Variants in ADAMTSL1 observed in about 807,000 individuals in gnomAD.
ADAMTSL1 encodes the protein ADAMTS like 1.
ADAMTSL1 carries 126 observed loss-of-function variants against 201.8 expected under a neutral mutation model. The ratio of observed to expected loss-of-function variants is 0.62; its 90% CI spans 0.54 to 0.72. The LOEUF (loss-of-function observed/expected upper bound fraction) is 0.72. Among genes scored for constraint, ADAMTSL1 ranks in the 30% least tolerant of loss-of-function variants. The pLI, the probability that ADAMTSL1 is intolerant of heterozygous loss-of-function variation, is 0.00. For synonymous variants in ADAMTSL1, 1,121 were observed against 903.4 expected (o/e 1.24, Z -4.32); for missense variants, 2,679 against 2,277.8 (o/e 1.18, Z -3.59).
chr9:18,235,236 G>A (rs1830800757), intron 2 of ADAMTSL1, among the ~76,000 whole-genome samples: 1 of 152,104 alleles, frequency 6.6e-6, no homozygotes, highest in Non-Finnish European at 1.5e-5. Flanking sequence ...ATATTAGTCA[G>A]GTATTTTCTC....
At chr9:18,906,968 G>A (rs1230576004) in intron 28 of ADAMTSL1, 56 bp downstream of exon 28, 3 of 1,597,054 alleles carry the variant, frequency 1.9e-6, no homozygotes, top group Admixed American at 1.7e-5. Context: ...ATCGAGTGCA[G>A]AGAGCAGTCC....
intron 5 of ADAMTSL1, among the ~76,000 whole-genome samples, chr9:18,627,220 G>T (rs1826445583): frequency 6.6e-6 from 1 of 152,140 alleles, no homozygotes; most frequent in Non-Finnish European, 1.5e-5. Flanking sequence ...GGCCTCAAGT[G>T]ATCTGCCCAC....
At chr9:18,618,029 G>A (rs1207745523) in intron 4 of ADAMTSL1, among the ~76,000 whole-genome samples, 1 of 152,166 alleles carries the variant, frequency 6.6e-6, no homozygotes, top group African/African-American at 2.4e-5. Context: ...AGAATGGGGT[G>A]GGTCTGGGAA....
chr9:18,144,314 C>T (rs1826531236), intron 1 of ADAMTSL1, among the ~76,000 whole-genome samples: 1 of 152,004 alleles, frequency 6.6e-6, no homozygotes, highest in Non-Finnish European at 1.5e-5. Flanking sequence ...CAAGCGATTA[C>T]TCTGCCTCAG....
At chr9:17,921,694 G>C (rs7024652) in intron 1 of ADAMTSL1, among the ~76,000 whole-genome samples, 2 of 152,124 alleles carry the variant, frequency 1.3e-5, no homozygotes, top group Non-Finnish European at 2.9e-5. Context: ...AAAAAGACAC[G>C]AGATTTGTGT....
At chr9:18,778,765 G>C (rs1215244666) in intron 19 of ADAMTSL1, among the ~76,000 whole-genome samples, 1 of 152,152 alleles carries the variant, frequency 6.6e-6, no homozygotes, top group East Asian at 1.9e-4. Flanking sequence ...TATAGAACAG[G>C]AAATACATAA....
intron 3 of ADAMTSL1, among the ~76,000 whole-genome samples, chr9:18,560,959 C>T (rs1405852747): frequency 6.7e-6 from 1 of 149,216 alleles, no homozygotes; most frequent in Non-Finnish European, 1.5e-5. Context: ...AAAACAGCTC[C>T]TGGATTCATT....
chr9:18,661,893 G>T, intron 8 of ADAMTSL1, 42 bp from the exon 9 acceptor site: 1 of 1,592,594 alleles, frequency 6.3e-7, no homozygotes, highest in South Asian at 1.1e-5. Context: ...ATATTGCATT[G>T]GCATGTACAT....
intron 2 of ADAMTSL1, among the ~76,000 whole-genome samples, chr9:18,363,451 T>C (rs182387697): frequency 6.6e-6 from 1 of 152,372 alleles, no homozygotes; most frequent in Admixed American, 6.5e-5. Flanking sequence ...GTCAGATTAA[T>C]GTTCAGTTTT....
At chr9:18,904,361 T>C (rs572532575) in intron 26 of ADAMTSL1, among the ~76,000 whole-genome samples, 1 of 152,120 alleles carries the variant, frequency 6.6e-6, no homozygotes, top group South Asian at 2.1e-4. Flanking sequence ...CCCAGCTACT[T>C]GGGAGGCTGA....
At chr9:18,219,377 T>G (rs1397887465) in intron 2 of ADAMTSL1, among the ~76,000 whole-genome samples, 1 of 150,952 alleles carries the variant, frequency 6.6e-6, no homozygotes, top group East Asian at 1.9e-4. Context: ...ATTTATTTAT[T>G]TATTTATTTG....
chr9:18,227,332 C>A (rs371125286), intron 2 of ADAMTSL1, among the ~76,000 whole-genome samples: 27 of 152,144 alleles, frequency 1.8e-4, no homozygotes, highest in African/African-American at 5.8e-4. Flanking sequence ...CTACCCCAAG[C>A]AGATTCTCAT....
chr9:18,824,838 C>T (rs1395157329), intron 21 of ADAMTSL1, among the ~76,000 whole-genome samples: 1 of 151,784 alleles, frequency 6.6e-6, no homozygotes, highest in African/African-American at 2.4e-5. Flanking sequence ...GCTGGGATTA[C>T]AGGTGCCCAC....
chr9:18,213,281 AACAT>A (rs1829945656), intron 2 of ADAMTSL1, among the ~76,000 whole-genome samples: 1 of 152,198 alleles, frequency 6.6e-6, no homozygotes, highest in African/African-American at 2.4e-5. Context: ...ATTCAGGGAA[AACAT>A]ATTTGTAGGA....
intron 1 of ADAMTSL1, among the ~76,000 whole-genome samples, chr9:18,029,517 C>G (rs1233385467): frequency 1.3e-5 from 2 of 152,128 alleles, no homozygotes; most frequent in African/African-American, 2.4e-5. Context: ...ACACCAAAAG[C>G]AATGGCAACA....
intron 2 of ADAMTSL1, among the ~76,000 whole-genome samples, chr9:18,311,936 A>T (rs1011991822): frequency 1.3e-5 from 2 of 152,222 alleles, no homozygotes; most frequent in Admixed American, 6.5e-5. Flanking sequence ...AGAGGACAGC[A>T]TGTGGAAAGG....
In ADAMTSL1 at chr9:18,906,923, AC is replaced by A. The variant is rs1306211947; in HGVS notation, c.5182+15del. The A allele has an allele frequency of 6.2e-7, 1 of 1,613,664 alleles. No individual in the cohort carries two copies. The highest frequency in any genetic ancestry group is 8.5e-7 in the Non-Finnish European group (1 of 1,179,714). ...CCCCATGTGAAAACAGTATGTTCCA[AC>A]CCCAAAGAACCTTCTGCAAATTCCC... On this transcript the variant is annotated intron_variant, in intron 28 of 28. Transcript: ENST00000380548.
rs377002893 is a variant in ADAMTSL1 at position 18,760,405 on chromosome 9, T to G, written c.2217+6897T>G. Reference sequence around the variant, plus strand: ...GGTATTGATGATTCTTTACCACAGGTTCTCTCTTCAAGCCTTTAAAATATA... The same window carrying G: ...GGTATTGATGATTCTTTACCACAGGGTCTCTCTTCAAGCCTTTAAAATATA... On this transcript the variant is annotated intron_variant, in intron 16 of 28. Transcript: ENST00000380548. 3.8e-3 allele frequency among the ~76,000 whole-genome samples: 585 copies of G among 152,260 alleles called. 2 individuals carry two copies. Among genetic ancestry groups the G allele is most frequent in the African/African-American group, 0.013 (538 of 41,530 alleles).
At chr9:18,493,055 C>A (rs1822343458) in intron 1 of ADAMTSL1, among the ~76,000 whole-genome samples, 1 of 152,168 alleles carries the variant, frequency 6.6e-6, no homozygotes, top group Non-Finnish European at 1.5e-5. Context: ...AGGGGTTAAG[C>A]TGAATATCAC....
Sources: allele counts gnomAD v4.1 joint callset (sites outside exome capture counted in the v4.1 genomes callset), GRCh38; gene constraint gnomAD v4.1.1; transcripts MANE v1.5; gene names NCBI Gene and HGNC (gene_info 2026-07-23, HGNC 2026-07-21).